NFIA: variants seen among roughly 807,000 people sequenced by gnomAD.
NFIA encodes the protein nuclear factor I A, also known as nuclear factor 1 A-type.
A neutral mutation model predicts 62.8 loss-of-function variants in NFIA; 8 were observed. That is an observed-to-expected ratio of 0.13 (90% CI 0.07 to 0.23). The LOEUF (loss-of-function observed/expected upper bound fraction) is 0.23, where lower values mean the gene tolerates loss of function less well. Ranked by LOEUF, NFIA falls within the 10% of genes least tolerant of loss-of-function variation. The pLI is 1.00. For synonymous variants in NFIA, 235 were observed against 238.1 expected (o/e 0.99, Z 0.12); for missense variants, 410 against 642.1 (o/e 0.64, Z 3.91).
Position 61,189,902 on chromosome 1 carries a change from T to C in NFIA, c.560-87618T>C, listed in dbSNP as rs12569361. Among the ~76,000 whole-genome samples, 711 of 152,276 alleles carry C rather than the reference T, an allele frequency of 4.7e-3. 16 individuals carry two copies. The East Asian group carries it at 0.065, about 14-fold the overall frequency. On this transcript the variant is annotated intron_variant, in intron 2 of 10. Transcript: ENST00000403491. ...AATGGACTGGGTCTGGGTCACATCTTGGATCTGGGGAACTTTAGTTCACAT... is the reference window on the plus strand; with the variant it reads ...AATGGACTGGGTCTGGGTCACATCTCGGATCTGGGGAACTTTAGTTCACAT...
chr1:61,179,302 G>T (rs1650596940), intron 2 of NFIA, among the ~76,000 whole-genome samples: 1 of 152,250 alleles, frequency 6.6e-6, no homozygotes, highest in Admixed American at 6.5e-5. Flanking sequence ...TGAGACAGGA[G>T]AGGAGGCAGT....
In NFIA at chr1:61,271,521, C is replaced by T. The variant is rs188340613; in HGVS notation, c.560-5999C>T. Among the ~76,000 whole-genome samples the T allele has an allele frequency of 6.6e-5, 10 of 152,308 alleles. No homozygotes were observed. The East Asian group carries it at 1.5e-3, about 24-fold the overall frequency. On this transcript the variant is annotated intron_variant, in intron 2 of 10. Transcript: ENST00000403491. ...CAGTCTTAAGTAGGCCTTGACAATG[C>T]GGTACAGGGGAGTGACTAAGGGGTG...
chr1:61,439,028 C>T lies in NFIA; in HGVS notation c.1512+12472C>T, dbSNP rs1667458596. 3.9e-5 allele frequency among the ~76,000 whole-genome samples: 6 copies of T among 151,980 alleles called. No individual in the cohort carries two copies. The South Asian group carries it at 1.0e-3, about 26-fold the overall frequency. Reference sequence around the variant, plus strand: ...ACACACACACACACACACACACACACACACACACACACCTGCTACATATGC... The same window carrying T: ...ACACACACACACACACACACACACATACACACACACACCTGCTACATATGC... On this transcript the variant is annotated intron_variant, in intron 10 of 10. Transcript: ENST00000403491.
chr1:61,314,969 A>G (rs1421945108), intron 3 of NFIA, among the ~76,000 whole-genome samples: 2 of 152,194 alleles, frequency 1.3e-5, no homozygotes, highest in Non-Finnish European at 2.9e-5. Flanking sequence ...GTTGGCATCA[A>G]TAGATATTTG....
At chr1:61,142,137 T>G (rs1333600686) in intron 2 of NFIA, among the ~76,000 whole-genome samples, 1 of 152,194 alleles carries the variant, frequency 6.6e-6, no homozygotes, top group Admixed American at 6.5e-5. Flanking sequence ...AATGCATGCA[T>G]TTAGTCTCTG....
chr1:61,256,322 G>A (rs2100225918), intron 2 of NFIA, among the ~76,000 whole-genome samples: 1 of 151,534 alleles, frequency 6.6e-6, no homozygotes, highest in Non-Finnish European at 1.5e-5. Context: ...TGTAATCCCA[G>A]CTACTCAGGA....
At chr1:61,215,130 A>G (rs1250633749) in intron 2 of NFIA, among the ~76,000 whole-genome samples, 3 of 152,212 alleles carry the variant, frequency 2.0e-5, no homozygotes, top group African/African-American at 7.2e-5. Flanking sequence ...CGGAAATTTT[A>G]TCATTGCTTT....
At chr1:61,158,832 C>T (rs1476877301) in intron 2 of NFIA, among the ~76,000 whole-genome samples, 1 of 152,092 alleles carries the variant, frequency 6.6e-6, no homozygotes, top group Non-Finnish European at 1.5e-5. Context: ...TTAAATACTT[C>T]CAGTTGTGAG....
At position 61,459,711 on chromosome 1, in the gene NFIA, T is replaced by G. The variant is rs992239167; in HGVS notation, c.*4391T>G. ...AGACCCATCTCCAAAAGTTTGTCTT[T>G]GATTTTTTCCAAGCCCTTAGCCCCA... On this transcript the variant is annotated 3_prime_UTR_variant, in exon 11 of 11. Transcript: ENST00000403491. 4 of 152,386 alleles carry G rather than the reference T, an allele frequency of 2.6e-5. No individual in the cohort carries two copies. The highest frequency in any genetic ancestry group is 9.6e-5 in the African/African-American group (4 of 41,588). 9.4% of individuals were successfully genotyped at this position (152,386 alleles called of 1,614,324 possible).
intron 2 of NFIA, among the ~76,000 whole-genome samples, chr1:61,234,367 C>CAAA (rs34304036): frequency 2.0e-4 from 15 of 73,290 alleles, no homozygotes; most frequent in African/African-American, 3.4e-4. Context: ...AACGCCATCT[C>CAAA]AAAAAAAAAA....
At chr1:61,336,301 CTTAA>C (rs1180207175) in intron 4 of NFIA, among the ~76,000 whole-genome samples, 4 of 151,776 alleles carry the variant, frequency 2.6e-5, no homozygotes, top group Non-Finnish European at 4.4e-5. Flanking sequence ...AAGTAAGATA[CTTAA>C]TTAATTTTTT....
At chr1:61,330,974 T>A (rs2100389972) in intron 3 of NFIA, among the ~76,000 whole-genome samples, 1 of 152,328 alleles carries the variant, frequency 6.6e-6, no homozygotes, top group East Asian at 1.9e-4. Context: ...TGGTCTGTTT[T>A]GCCAAGACCT....
chr1:61,118,200 AAAAAAG>A (rs886919676), intron 2 of NFIA, among the ~76,000 whole-genome samples: 2 of 151,792 alleles, frequency 1.3e-5, no homozygotes, highest in East Asian at 2.0e-4. Flanking sequence ...ACAAAAAAAA[AAAAAAG>A]AAAAGAAAAA....
At chr1:61,365,859 T>C (rs1330355197) in intron 6 of NFIA, among the ~76,000 whole-genome samples, 8 of 152,146 alleles carry the variant, frequency 5.3e-5, no homozygotes, top group Non-Finnish European at 1.2e-4. Context: ...ACGTGAAATA[T>C]CATCATTAGG....
intron 6 of NFIA, among the ~76,000 whole-genome samples, chr1:61,370,571 T>G (rs1663830340): frequency 6.6e-6 from 1 of 152,210 alleles, no homozygotes; most frequent in Non-Finnish European, 1.5e-5. Context: ...GAGTAAAGTA[T>G]CACTGACCTC....
At chr1:61,421,345 GGA>G (rs1270726760) in intron 9 of NFIA, among the ~76,000 whole-genome samples, 1 of 152,012 alleles carries the variant, frequency 6.6e-6, no homozygotes, top group Non-Finnish European at 1.5e-5. Flanking sequence ...AATATCTCTT[GGA>G]GAGAGAGAAA....
rs192888296 is a variant in NFIA, at chr1:61,444,568, T to C, written c.1513-10735T>C. 3.3e-3 allele frequency among the ~76,000 whole-genome samples: 496 copies of C among 152,330 alleles called. 12 individuals carry two copies. Among genetic ancestry groups the C allele is most frequent in the Admixed American group, 0.028 (428 of 15,296 alleles). On this transcript the variant is annotated intron_variant, in intron 10 of 10. Coordinates refer to ENST00000403491, the MANE Select transcript of NFIA (RefSeq NM_001134673.4). ...CTGAACTTGAACTTGTAAACGGTGTTCCTTGAGAACAATACAGAAAGGTTG... is the reference window on the plus strand; with the variant it reads ...CTGAACTTGAACTTGTAAACGGTGTCCCTTGAGAACAATACAGAAAGGTTG...
intron 3 of NFIA, among the ~76,000 whole-genome samples, chr1:61,302,588 G>A (rs972161205): frequency 3.9e-5 from 6 of 152,000 alleles, no homozygotes; most frequent in Non-Finnish European, 7.4e-5. Context: ...TTTAGTCTTC[G>A]TCCATAGTAA....
At chr1:61,418,667 C>T (rs1270848188) in intron 9 of NFIA, among the ~76,000 whole-genome samples, 1 of 152,072 alleles carries the variant, frequency 6.6e-6, no homozygotes, top group Non-Finnish European at 1.5e-5. Flanking sequence ...CAAAATATTC[C>T]AATGTATGGA....
Sources: gnomAD v4.1 joint callset for allele counts (sites outside exome capture counted in the v4.1 genomes callset) on GRCh38, gnomAD v4.1.1 for gene constraint, MANE v1.5 for transcripts, NCBI Gene and HGNC (gene_info 2026-07-23, HGNC 2026-07-21) for gene names.